KIAA1328: variants seen among roughly 807,000 people sequenced by gnomAD.
KIAA1328 encodes protein hinderin.
A neutral mutation model predicts 68.1 loss-of-function variants in KIAA1328; 52 were observed. The ratio of observed to expected loss-of-function variants is 0.76; its 90% CI spans 0.61 to 0.96. The LOEUF (loss-of-function observed/expected upper bound fraction) is 0.96. Among genes scored for constraint, KIAA1328 ranks in the 40% least tolerant of loss-of-function variants. KIAA1328 has a pLI of 0.00. For missense variants in KIAA1328, 641 were observed against 677.6 expected, an observed-to-expected ratio of 0.95 and a Z score of 0.60; for synonymous variants, 232 against 239.4, an observed-to-expected ratio of 0.97 and a Z score of 0.28.
At chr18:37,093,923 CATCAGACTAACAGTGA>C (rs1229602595) in intron 7 of KIAA1328, among the ~76,000 whole-genome samples, 1 of 152,152 alleles carries the variant, frequency 6.6e-6, no homozygotes, top group African/African-American at 2.4e-5. Flanking sequence ...AAGGAATCCT[CATCAGACTAACAGTGA>C]ATTTGTCAAG....
At chr18:37,185,687 A>G (rs1213251065) in intron 9 of KIAA1328, among the ~76,000 whole-genome samples, 5 of 151,544 alleles carry the variant, frequency 3.3e-5, no homozygotes, top group Non-Finnish European at 5.9e-5. Flanking sequence ...TGATATATTT[A>G]AATATATATA....
At chr18:37,090,697 G>T (rs191618700) in intron 7 of KIAA1328, among the ~76,000 whole-genome samples, 1 of 152,188 alleles carries the variant, frequency 6.6e-6, no homozygotes, top group East Asian at 1.9e-4. Context: ...AAAGGTATAT[G>T]GTCTTCTCAG....
intron 7 of KIAA1328, among the ~76,000 whole-genome samples, chr18:37,155,858 A>G (rs2154210604): frequency 6.6e-6 from 1 of 152,230 alleles, no homozygotes; most frequent in Admixed American, 6.5e-5. Context: ...CAAAATATGA[A>G]CTGAAGTTTC....
intron 6 of KIAA1328, among the ~76,000 whole-genome samples, chr18:36,983,410 A>G (rs8098708): frequency 0.13 from 20,250 of 151,984 alleles, 1,729 homozygotes; most frequent in Admixed American, 0.18. Flanking sequence ...ACGTGAAGCA[A>G]ATACTGATGT....
At chr18:36,832,241 T>A (rs1205296192) in intron 1 of KIAA1328, among the ~76,000 whole-genome samples, 1 of 152,162 alleles carries the variant, frequency 6.6e-6, no homozygotes, top group Non-Finnish European at 1.5e-5. Context: ...AGTAGTTTGT[T>A]TAGAGTTTTA....
In KIAA1328 at chr18:37,007,351, A is replaced by C. The variant is rs55963168; in HGVS notation, c.576+47916A>C. 2.6e-3 allele frequency among the ~76,000 whole-genome samples: 390 copies of C among 152,270 alleles called. 3 individuals carry two copies. The highest frequency in any genetic ancestry group is 9.0e-3 in the African/African-American group (372 of 41,560). On this transcript the variant is annotated intron_variant, in intron 6 of 9. Transcript: ENST00000280020. ...ATACCTCCTTGCTGGCATTATATAC[A>C]TGATTGTGTATTGAGAAGGCATGAG...
At chr18:36,844,583 A>C (rs2046966416) in intron 4 of KIAA1328, among the ~76,000 whole-genome samples, 3 of 152,060 alleles carry the variant, frequency 2.0e-5, no homozygotes, top group Non-Finnish European at 2.9e-5. Context: ...GAAGTTTTAG[A>C]AACTACTGTT....
At chr18:36,919,517 G>A (rs1374560373) in intron 5 of KIAA1328, among the ~76,000 whole-genome samples, 1 of 152,094 alleles carries the variant, frequency 6.6e-6, no homozygotes, top group African/African-American at 2.4e-5. Context: ...ATAGTGTTGC[G>A]AGGAACATAG....
intron 5 of KIAA1328, among the ~76,000 whole-genome samples, chr18:36,949,909 A>T (rs1306762825): frequency 1.3e-5 from 2 of 152,002 alleles, no homozygotes; most frequent in East Asian, 3.9e-4. Flanking sequence ...TTTGCCATAA[A>T]TTTTTCTTTT....
chr18:37,202,018 A>G (rs1315292245), intron 9 of KIAA1328, among the ~76,000 whole-genome samples: 1 of 152,250 alleles, frequency 6.6e-6, no homozygotes, highest in Non-Finnish European at 1.5e-5. Flanking sequence ...GTGACCTGTT[A>G]CAATAGAGAA....
chr18:37,105,501 GAAAAAAAAA>G (rs376818867), intron 7 of KIAA1328, among the ~76,000 whole-genome samples: 2 of 100,348 alleles, frequency 2.0e-5, no homozygotes, highest in African/African-American at 6.7e-5. Flanking sequence ...CTTTTTGAAG[GAAAAAAAAA>G]AAAAAAAAAA....
rs2060607731 is a variant in KIAA1328 at position 37,224,020 on chromosome 18, C to G, written c.*1793C>G. ...TCGGTTTCATCCCATATCAAAAAGC[C>G]TTTGGAGTGTGGAGCTTTCTGTGGT... is the stretch of plus-strand genomic sequence containing the variant. On this transcript the variant is annotated 3_prime_UTR_variant, in exon 10 of 10. Coordinates refer to ENST00000280020, the MANE Select transcript of KIAA1328 (RefSeq NM_020776.3). 1.0e-6 allele frequency: 1 copy of G among 985,268 alleles called. No individual in the cohort carries two copies. Among genetic ancestry groups the G allele is most frequent in the South Asian group, 4.7e-5 (1 of 21,286 alleles). 61.0% of individuals were successfully genotyped at this position (985,268 alleles called of 1,614,324 possible). A position where few individuals can be genotyped will look rare whatever the true frequency, so the allele number is the denominator to read the frequency against.
intron 6 of KIAA1328, among the ~76,000 whole-genome samples, chr18:37,059,342 A>G (rs2056055421): frequency 6.6e-6 from 1 of 152,200 alleles, no homozygotes; most frequent in Non-Finnish European, 1.5e-5. Context: ...AAACAAATTT[A>G]CATGAAAAAA....
chr18:37,070,681 C>T (rs1419104917), intron 7 of KIAA1328, among the ~76,000 whole-genome samples: 1 of 151,880 alleles, frequency 6.6e-6, no homozygotes, highest in African/African-American at 2.4e-5. Flanking sequence ...AGCAATTCTC[C>T]TGCCTCAGCC....
At chr18:36,894,171 A>G (rs562872257) in intron 5 of KIAA1328, among the ~76,000 whole-genome samples, 40 of 152,334 alleles carry the variant, frequency 2.6e-4, no homozygotes, top group African/African-American at 8.7e-4. Context: ...TCTCTGTAGC[A>G]GTGAACGATA....
rs375010365 is a variant in KIAA1328, at chr18:36,914,498, G to C, written c.448+28826G>C. On this transcript the variant is annotated intron_variant, in intron 5 of 9. Transcript: ENST00000280020. ...GCACTTTGGGAGGCTGAGGTGGGGG[G>C]ATCACAAGGTCAGGAGTTCAAGACC... Among the ~76,000 whole-genome samples the C allele has an allele frequency of 3.2e-4, 48 of 152,160 alleles. No homozygotes were observed. In the East Asian group the frequency reaches 6.2e-3, roughly 20 times the overall value.
intron 5 of KIAA1328, among the ~76,000 whole-genome samples, chr18:36,904,814 A>G (rs2049160159): frequency 6.6e-6 from 1 of 151,822 alleles, no homozygotes; most frequent in Non-Finnish European, 1.5e-5. Flanking sequence ...TTTTGGATCA[A>G]TTGAATATTT....
intron 7 of KIAA1328, among the ~76,000 whole-genome samples, chr18:37,085,418 A>C (rs1028389976): frequency 6.6e-6 from 1 of 151,952 alleles, no homozygotes; most frequent in African/African-American, 2.4e-5. Context: ...ATTCCTTCTT[A>C]TTTTTGTGCT....
At chr18:36,835,049 G>A (rs1302476438) in intron 2 of KIAA1328, among the ~76,000 whole-genome samples, 185 bp from the exon 3 acceptor site, 1 of 152,102 alleles carries the variant, frequency 6.6e-6, no homozygotes, top group Non-Finnish European at 1.5e-5. Context: ...AATCTTTAGT[G>A]TATTTCTTTA....
Sources: gnomAD v4.1 joint callset for allele counts (sites outside exome capture counted in the v4.1 genomes callset) on GRCh38, gnomAD v4.1.1 for gene constraint, MANE v1.5 for transcripts, NCBI Gene and HGNC (gene_info 2026-07-23, HGNC 2026-07-21) for gene names.